Variants in EGFLAM observed in about 807,000 individuals in gnomAD.
EGFLAM encodes EGF like, fibronectin type III and laminin G domains.
EGFLAM carries 79 observed loss-of-function variants against 113.1 expected under a neutral mutation model. The observed-to-expected ratio is 0.70, with a 90% confidence interval of 0.58 to 0.84. The LOEUF is 0.84. EGFLAM is among the 40% of genes least tolerant of loss of function. EGFLAM has a pLI of 0.00. For synonymous variants in EGFLAM, 504 were observed against 487.6 expected (o/e 1.03, Z -0.44); for missense variants, 1,265 against 1,291.6 (o/e 0.98, Z 0.32).
chr5:38,336,987 T>C (rs1739204139), intron 1 of EGFLAM, among the ~76,000 whole-genome samples: 1 of 152,250 alleles, frequency 6.6e-6, no homozygotes, highest in South Asian at 2.1e-4. Flanking sequence ...TTATAAATCT[T>C]ATCATCTGTA....
chr5:38,408,569 C>T (rs993644023), intron 9 of EGFLAM, among the ~76,000 whole-genome samples: 1 of 152,188 alleles, frequency 6.6e-6, no homozygotes, highest in Non-Finnish European at 1.5e-5. Flanking sequence ...CTATTCTTAC[C>T]ATCCTGTTCT....
At chr5:38,392,856 C>T (rs1740852806) in intron 6 of EGFLAM, among the ~76,000 whole-genome samples, 1 of 152,084 alleles carries the variant, frequency 6.6e-6, no homozygotes, top group Admixed American at 6.5e-5. Context: ...ACGACAGGCC[C>T]CGGTGTGTGA....
chr5:38,409,288 A>C (rs1741396829), intron 10 of EGFLAM, among the ~76,000 whole-genome samples, 184 bp downstream of exon 10: 1 of 152,232 alleles, frequency 6.6e-6, no homozygotes, highest in South Asian at 2.1e-4. Flanking sequence ...ATAACCTATA[A>C]AACTTGGGTT....
At chr5:38,445,859 C>T (rs749282824) in intron 17 of EGFLAM, 5 of 848,096 alleles carry the variant, frequency 5.9e-6, no homozygotes, top group Non-Finnish European at 9.8e-6. Context: ...ACACTTCTCT[C>T]CTGAGCTGGG....
At chr5:38,421,695 AGTG>A (rs1741828687) in intron 12 of EGFLAM, among the ~76,000 whole-genome samples, 1 of 152,142 alleles carries the variant, frequency 6.6e-6, no homozygotes, top group African/African-American at 2.4e-5. Context: ...ATGGAGGAGA[AGTG>A]GTGCTGCAGT....
chr5:38,430,628 A>G (rs888684608), intron 14 of EGFLAM, among the ~76,000 whole-genome samples: 5 of 152,208 alleles, frequency 3.3e-5, no homozygotes, highest in African/African-American at 1.2e-4. Flanking sequence ...TCTCCAGGGA[A>G]ACAGAACCAA....
At position 38,348,552 on chromosome 5, in the gene EGFLAM, C is replaced by T. The variant is rs555518169; in HGVS notation, c.292-1949C>T. Among the ~76,000 whole-genome samples, 132 of 152,252 alleles carry T rather than the reference C, an allele frequency of 8.7e-4. No homozygotes were observed. The Middle Eastern group carries it at 0.014, about 16-fold the overall frequency. On this transcript the variant is annotated intron_variant, in intron 3 of 21. Coordinates refer to ENST00000322350, the MANE Select transcript of EGFLAM (RefSeq NM_152403.4). ...GTCATTAAAGACTGAGATGCACTCACTGGATTCATTACAAAGTTGTTACGG... is the reference window on the plus strand; with the variant it reads ...GTCATTAAAGACTGAGATGCACTCATTGGATTCATTACAAAGTTGTTACGG...
Position 38,375,755 on chromosome 5 carries a change from A to G in EGFLAM, c.712+5293A>G, listed in dbSNP as rs116797642. 3.0e-3 allele frequency among the ~76,000 whole-genome samples: 452 copies of G among 152,270 alleles called. 1 individual carries two copies. The highest frequency in any genetic ancestry group is 9.2e-3 in the African/African-American group (383 of 41,558). ...TTAACTGGCACTTAGCTGAAGTGAG[A>G]AAGGAGGATGGTGTTGGTGGTTCCA... On this transcript the variant is annotated intron_variant, in intron 6 of 21. Coordinates refer to ENST00000322350, the MANE Select transcript of EGFLAM (RefSeq NM_152403.4).
intron 6 of EGFLAM, among the ~76,000 whole-genome samples, chr5:38,391,141 T>A (rs1251240738): frequency 6.6e-6 from 1 of 152,294 alleles, no homozygotes; most frequent in Admixed American, 6.5e-5. Context: ...AGGGTGTTAA[T>A]CCACCTAGAA....
rs199517609 is a variant in EGFLAM at position 38,350,461 on chromosome 5, G to A, written c.292-40G>A. On this transcript the variant is annotated intron_variant, in intron 3 of 21. Transcript: ENST00000322350. ...AATTGTACAATTTGCCCAAACAGAT[G>A]TACTGATTGTTAGCATCTTTCTTGT... The A allele has an allele frequency of 2.3e-4, 371 of 1,589,750 alleles. 2 individuals carry two copies. The East Asian group carries it at 5.5e-3, about 24-fold the overall frequency.
intron 11 of EGFLAM, among the ~76,000 whole-genome samples, chr5:38,415,720 T>G (rs1335576274): frequency 6.6e-6 from 1 of 152,154 alleles, no homozygotes; most frequent in East Asian, 1.9e-4. Flanking sequence ...AAGAAACACC[T>G]GAGACTGGGT....
intron 1 of EGFLAM, among the ~76,000 whole-genome samples, chr5:38,291,193 G>C (rs1758321130): frequency 6.6e-6 from 1 of 152,234 alleles, no homozygotes; most frequent in South Asian, 2.1e-4. Context: ...GGATTAGACT[G>C]TAGACTCCTT....
intron 12 of EGFLAM, among the ~76,000 whole-genome samples, chr5:38,420,270 C>T (rs893669112): frequency 6.6e-6 from 1 of 152,166 alleles, no homozygotes; most frequent in Non-Finnish European, 1.5e-5. Flanking sequence ...ATGAAGTTTA[C>T]TTAACAAAAA....
At chr5:38,288,492 A>G (rs1474380296) in intron 1 of EGFLAM, among the ~76,000 whole-genome samples, 1 of 152,178 alleles carries the variant, frequency 6.6e-6, no homozygotes, top group Non-Finnish European at 1.5e-5. Flanking sequence ...TAACTAGAAA[A>G]ACTAAATGAT....
At chr5:38,303,749 T>G (rs913698671) in intron 1 of EGFLAM, among the ~76,000 whole-genome samples, 3 of 152,174 alleles carry the variant, frequency 2.0e-5, no homozygotes, top group Non-Finnish European at 4.4e-5. Context: ...AAAATTACTA[T>G]AAATGCTTTT....
chr5:38,371,465 GGT>G (rs772872490), intron 6 of EGFLAM, among the ~76,000 whole-genome samples: 3 of 152,070 alleles, frequency 2.0e-5, no homozygotes, highest in Non-Finnish European at 4.4e-5. Context: ...TGTGTTCAGG[GGT>G]AGAGATTCAG....
Position 38,464,038 on chromosome 5 carries a change from G to A in EGFLAM, c.*52G>A, listed in dbSNP as rs998468095. The A allele has an allele frequency of 6.2e-7, 1 of 1,611,022 alleles. No homozygotes were observed. The highest frequency in any genetic ancestry group is 1.3e-5 in the African/African-American group (1 of 74,990). ...GAGCCTTCTATTCTGAGAATCCCAG[G>A]GGCCCTCAGACCCTGCCTGATGCTA... is the stretch of plus-strand genomic sequence containing the variant. On this transcript the variant is annotated 3_prime_UTR_variant, in exon 22 of 22. Transcript: ENST00000322350.
At chr5:38,392,791 A>G (rs934870120) in intron 6 of EGFLAM, among the ~76,000 whole-genome samples, 1 of 152,146 alleles carries the variant, frequency 6.6e-6, no homozygotes, top group African/African-American at 2.4e-5. Flanking sequence ...CCATTAACTC[A>G]TCATTTACAT....
intron 1 of EGFLAM, among the ~76,000 whole-genome samples, chr5:38,289,250 C>T (rs1758245956): frequency 1.3e-5 from 2 of 151,360 alleles, no homozygotes; most frequent in Non-Finnish European, 2.9e-5. Context: ...ATTCTTCTTC[C>T]TTGGCAATTA....
Sources: gnomAD v4.1 joint callset for allele counts (sites outside exome capture counted in the v4.1 genomes callset) on GRCh38, gnomAD v4.1.1 for gene constraint, MANE v1.5 for transcripts, NCBI Gene and HGNC (gene_info 2026-07-23, HGNC 2026-07-21) for gene names.